The following GLIS3 variants were observed in gnomAD, a reference collection of about 807,000 sequenced individuals.
GLIS3 encodes the protein zinc finger protein GLIS3.
In GLIS3, 53 loss-of-function variants were observed where a neutral mutation model predicts 78.6. That is an observed-to-expected ratio of 0.67 (90% CI 0.54 to 0.85). GLIS3 has a LOEUF of 0.85. GLIS3 is among the 40% of genes least tolerant of loss of function. The pLI is 0.00. For synonymous variants in GLIS3, 684 were observed against 509.9 expected (o/e 1.34, Z -4.60); for missense variants, 1,703 against 1,231.1 (o/e 1.38, Z -5.74).
chr9:4,478,904 G>A, the GLIS3 span, among the ~76,000 whole-genome samples: 1 of 152,248 alleles, frequency 6.6e-6, no homozygotes, highest in South Asian at 2.1e-4. Flanking sequence ...TTCAATCTTA[G>A]CATTATGAAA....
At chr9:4,481,283 A>G in the GLIS3 span, among the ~76,000 whole-genome samples, 1 of 152,180 alleles carries the variant, frequency 6.6e-6, no homozygotes, top group Non-Finnish European at 1.5e-5. Context: ...CAGGAGTTCA[A>G]GACCAGCCTG....
At chr9:3,880,245 C>G (rs559083624) in intron 7 of GLIS3, among the ~76,000 whole-genome samples, 12 of 152,352 alleles carry the variant, frequency 7.9e-5, no homozygotes, top group East Asian at 3.9e-4. Context: ...GATCTCCCCC[C>G]ACTGTTGCCC....
chr9:4,033,297 C>G (rs934352434), intron 4 of GLIS3, among the ~76,000 whole-genome samples: 2 of 152,158 alleles, frequency 1.3e-5, no homozygotes, highest in Non-Finnish European at 2.9e-5. Context: ...TCACCCAAAA[C>G]AGCTGTCCCT....
intron 9 of GLIS3, among the ~76,000 whole-genome samples, chr9:3,842,444 C>G (rs1456497787): frequency 6.6e-6 from 1 of 152,108 alleles, no homozygotes; most frequent in Non-Finnish European, 1.5e-5. Context: ...TGCAGTCTAG[C>G]CTGGGGGTCA....
chr9:4,431,585 C>T, the GLIS3 span, among the ~76,000 whole-genome samples: 2 of 152,200 alleles, frequency 1.3e-5, no homozygotes, highest in African/African-American at 4.8e-5. Context: ...TGCCTCATGC[C>T]TGTAATCCCA....
intron 4 of GLIS3, among the ~76,000 whole-genome samples, chr9:4,055,390 C>T (rs1318662845): frequency 1.3e-5 from 2 of 152,206 alleles, no homozygotes; most frequent in Non-Finnish European, 2.9e-5. Context: ...CCCTCAGTAT[C>T]ACTGGCAAGC....
At chr9:4,022,788 G>A (rs1218897514) in intron 4 of GLIS3, among the ~76,000 whole-genome samples, 1 of 152,198 alleles carries the variant, frequency 6.6e-6, no homozygotes, top group Non-Finnish European at 1.5e-5. Flanking sequence ...ATATCCCAAG[G>A]TGATTACGGT....
intron 2 of GLIS3, among the ~76,000 whole-genome samples, chr9:4,141,224 A>G (rs573096521): frequency 4.6e-5 from 7 of 152,164 alleles, no homozygotes; most frequent in Non-Finnish European, 8.8e-5. Context: ...AGAAGGAGAG[A>G]GAGAGGTGGG....
intron 2 of GLIS3, among the ~76,000 whole-genome samples, chr9:4,186,460 T>C (rs4322056): frequency 0.87 from 131,503 of 151,550 alleles, 57,525 homozygotes; most frequent in East Asian, 1. Flanking sequence ...AATAAACATA[T>C]GTGTGCATGT....
At chr9:4,470,578 A>G in the GLIS3 span, among the ~76,000 whole-genome samples, 1 of 152,236 alleles carries the variant, frequency 6.6e-6, no homozygotes, top group African/African-American at 2.4e-5. Context: ...AACTCTCAAT[A>G]AACTAGGTAT....
intron 4 of GLIS3, among the ~76,000 whole-genome samples, chr9:4,038,482 T>C (rs1340439319): frequency 6.6e-6 from 1 of 152,226 alleles, no homozygotes; most frequent in Non-Finnish European, 1.5e-5. Flanking sequence ...TGACCACTTG[T>C]AAAGAGACTG....
At chr9:4,367,160 A>G in the GLIS3 span, among the ~76,000 whole-genome samples, 2 of 152,324 alleles carry the variant, frequency 1.3e-5, no homozygotes, top group East Asian at 3.9e-4. Flanking sequence ...TTTGAAATCA[A>G]CTTCCTAAAT....
chr9:4,451,992 T>A, the GLIS3 span, among the ~76,000 whole-genome samples: 1 of 151,954 alleles, frequency 6.6e-6, no homozygotes, highest in Non-Finnish European at 1.5e-5. Context: ...GTCGGCTTCA[T>A]CCCTGCGATG....
chr9:4,189,475 T>A (rs1393289580), intron 2 of GLIS3, among the ~76,000 whole-genome samples: 1 of 152,198 alleles, frequency 6.6e-6, no homozygotes, highest in Admixed American at 6.5e-5. Context: ...ATTCTGTTGA[T>A]TTGTGGTGCA....
intron 2 of GLIS3, among the ~76,000 whole-genome samples, chr9:4,137,818 G>C (rs1833510682): frequency 6.6e-6 from 1 of 152,204 alleles, no homozygotes; most frequent in Non-Finnish European, 1.5e-5. Flanking sequence ...TATAGCAAGA[G>C]TGTTAAATAA....
chr9:4,253,417 A>C (rs1432191570), intron 2 of GLIS3, among the ~76,000 whole-genome samples: 1 of 152,146 alleles, frequency 6.6e-6, no homozygotes, highest in East Asian at 1.9e-4. Flanking sequence ...TGAGGGGAAA[A>C]CCACCTACTC....
the GLIS3 span, among the ~76,000 whole-genome samples, chr9:4,467,452 C>A: frequency 1.3e-5 from 2 of 149,828 alleles, no homozygotes; most frequent in East Asian, 1.9e-4. Context: ...AAAGATCAGG[C>A]AACAACATTT....
At chr9:4,264,091 A>G (rs1361266279) in intron 2 of GLIS3, among the ~76,000 whole-genome samples, 1 of 152,208 alleles carries the variant, frequency 6.6e-6, no homozygotes, top group African/African-American at 2.4e-5. Flanking sequence ...ACTAATAGGT[A>G]TCTCAAATAC....
intron 6 of GLIS3, among the ~76,000 whole-genome samples, chr9:3,926,771 C>T (rs868150916): frequency 3.3e-5 from 5 of 151,528 alleles, no homozygotes; most frequent in Non-Finnish European, 4.4e-5. Context: ...TACAGGCGCA[C>T]GCCACCATGC....
Sources: gnomAD v4.1 joint callset for allele counts (sites outside exome capture counted in the v4.1 genomes callset) on GRCh38, gnomAD v4.1.1 for gene constraint, MANE v1.5 for transcripts, NCBI Gene and HGNC (gene_info 2026-07-23, HGNC 2026-07-21) for gene names.